Variants in MIAT observed in about 807,000 individuals in gnomAD.
The protein encoded by MIAT is MI related novel mRNA.
exon 6 of MIAT, chr22:26,668,687 CGCTG>C (rs988307632): frequency 2.5e-6 from 1 of 398,922 alleles, no homozygotes; most frequent in African/African-American, 2.1e-5. Context: ...CCTCGGGTGC[CGCTG>C]GCTGGAGTCC....
intron 2 of MIAT, chr22:26,657,363 G>A (rs977875768): frequency 1.3e-5 from 5 of 397,244 alleles, no homozygotes; most frequent in Non-Finnish European, 2.2e-5. Flanking sequence ...GGGTAAGGAG[G>A]GGTTGGGTGT....
In MIAT at chr22:26,646,800, G is replaced by A. The variant is rs368546427; in HGVS notation, n.349G>A. The stretch of plus-strand genomic sequence containing the variant: ...TTTCCCCAAGAGCTTTGTGTTGTTT[G>A]TACTATGAGGAATAATGAGGGTGGT... On this transcript the variant is annotated non_coding_transcript_exon_variant, in exon 1 of 6. Transcript: ENST00000643270. The A allele has an allele frequency of 1.6e-3, 635 of 398,670 alleles. 2 individuals carry two copies. In the South Asian group the frequency reaches 0.022, roughly 14 times the overall value. 24.7% of individuals were successfully genotyped at this position (398,670 alleles called of 1,614,324 possible).
At chr22:26,655,360 A>G (rs1345122681) in intron 2 of MIAT, among the ~76,000 whole-genome samples, 1 of 152,242 alleles carries the variant, frequency 6.6e-6, no homozygotes, top group Non-Finnish European at 1.5e-5. Flanking sequence ...GGACAGGCTT[A>G]AATCTACCTG....
chr22:26,657,839 T>C (rs1461216651), intron 2 of MIAT, among the ~76,000 whole-genome samples: 1 of 152,180 alleles, frequency 6.6e-6, no homozygotes, highest in Non-Finnish European at 1.5e-5. Flanking sequence ...CAGCCTGTAA[T>C]TCTCAAACAC....
intron 2 of MIAT, among the ~76,000 whole-genome samples, chr22:26,660,477 AAAAAGAAG>A (rs1886394391): frequency 2.0e-5 from 3 of 151,682 alleles, no homozygotes; most frequent in African/African-American, 4.8e-5. Context: ...AAAAAAAAAA[AAAAAGAAG>A]AAGAAGAAGA....
chr22:26,675,434 G>T, exon 5 of MIAT: 1 of 398,650 alleles, frequency 2.5e-6, no homozygotes, highest in Non-Finnish European at 4.4e-6. Flanking sequence ...TTGAGTTTTA[G>T]GCTGGCCATT....
At chr22:26,657,388 G>T (rs1348712586) in intron 2 of MIAT, 3 of 390,144 alleles carry the variant, frequency 7.7e-6, no homozygotes, top group Non-Finnish European at 1.3e-5. Context: ...TTGTAGGGGC[G>T]CAAGGAGGCG....
chr22:26,653,800 T>G (rs938076211), intron 2 of MIAT, among the ~76,000 whole-genome samples: 6 of 152,260 alleles, frequency 3.9e-5, no homozygotes, highest in African/African-American at 1.4e-4. Flanking sequence ...AGTGTAGTGG[T>G]GCGATCTCAG....
downstream of MIAT, chr22:26,671,788 G>A (rs1348547196): frequency 1.3e-5 from 5 of 398,062 alleles, no homozygotes; most frequent in Non-Finnish European, 2.2e-5. Flanking sequence ...GTTGCAGTGA[G>A]GATTCCCGTC....
intron 2 of MIAT, among the ~76,000 whole-genome samples, chr22:26,650,983 A>G (rs144531921): frequency 1.5e-3 from 227 of 152,122 alleles, no homozygotes; most frequent in Middle Eastern, 6.8e-3. Flanking sequence ...GTGCTAAGAC[A>G]GAGTGTGGGT....
At chr22:26,652,764 A>T (rs1176983142) in intron 2 of MIAT, among the ~76,000 whole-genome samples, 1 of 152,154 alleles carries the variant, frequency 6.6e-6, no homozygotes, top group Non-Finnish European at 1.5e-5. Context: ...TCTAGGACTA[A>T]AGAGAAGAGA....
chr22:26,656,769 C>G (rs1318556572), intron 2 of MIAT, among the ~76,000 whole-genome samples: 2 of 152,120 alleles, frequency 1.3e-5, no homozygotes, highest in African/African-American at 2.4e-5. Flanking sequence ...GGCGCGGTGG[C>G]TCGCGCCTGT....
rs1158190995 is a variant in MIAT, at chr22:26,647,310, AAGT to A, written n.646+2_646+4del. The A allele has an allele frequency of 7.6e-5, 26 of 343,276 alleles. No individual in the cohort carries two copies. In the East Asian group the frequency reaches 1.1e-3, roughly 14 times the overall value. The allele number at this position is 343,276 out of a possible 1,614,324, so 21.3% of individuals were successfully genotyped here. On this transcript the variant is annotated splice_donor_variant and non_coding_transcript_exon_variant, in exon 2 of 6. Coordinates refer to ENST00000643270, the Ensembl canonical transcript of MIAT. The stretch of plus-strand genomic sequence containing the variant: ...CTGGAGATGCTGGGATGCGACAAAA[AAGT>A]AGGCTTCTCCCATGATGAACCTCAC...
intron 2 of MIAT, chr22:26,656,199 C>T (rs774622233): frequency 3.3e-5 from 5 of 152,068 alleles, no homozygotes; most frequent in African/African-American, 9.7e-5. Flanking sequence ...TTAGTAGAGA[C>T]GGGGTTTCTC....
intron 2 of MIAT, among the ~76,000 whole-genome samples, chr22:26,649,466 C>T (rs1411609381): frequency 3.3e-5 from 5 of 152,196 alleles, no homozygotes; most frequent in African/African-American, 9.7e-5. Flanking sequence ...TTCTCAAACC[C>T]TGTTTCCTTG....
rs374570127 is a variant in MIAT at position 26,652,188 on chromosome 22, G to C, written n.646+4877G>C. On this transcript the variant is annotated intron_variant and non_coding_transcript_variant, in intron 2 of 5. Coordinates refer to ENST00000643270, the Ensembl canonical transcript of MIAT. ...TTTAAAAGGTCTCTGTAGAGATGCG[G>C]TGGAGCCGGGGGTCGATCTCATTAT... is the stretch of plus-strand genomic sequence containing the variant. Among the ~76,000 whole-genome samples the C allele has an allele frequency of 3.1e-4, 47 of 152,218 alleles. No homozygotes were observed. In the South Asian group the frequency reaches 9.6e-3, roughly 31 times the overall value.
chr22:26,671,753 G>A (rs1474334534), downstream of MIAT: 2 of 398,348 alleles, frequency 5.0e-6, no homozygotes, highest in Non-Finnish European at 8.8e-6. Flanking sequence ...CTCAGTGGTA[G>A]AATGCGAGTT....
intron 1 of MIAT, chr22:26,647,093 A>T: frequency 2.5e-6 from 1 of 398,164 alleles, no homozygotes; most frequent in Non-Finnish European, 4.4e-6. Flanking sequence ...CCCTGGGATG[A>T]CACCGTCAGC....
chr22:26,648,970 C>G (rs1930289914), intron 2 of MIAT, among the ~76,000 whole-genome samples: 2 of 150,960 alleles, frequency 1.3e-5, no homozygotes, highest in Admixed American at 1.3e-4. Flanking sequence ...AGGCTGAAGT[C>G]AAATCACTTG....
Sources: gnomAD v4.1 joint callset for allele counts (sites outside exome capture counted in the v4.1 genomes callset) on GRCh38, gnomAD v4.1.1 for gene constraint, MANE v1.5 for transcripts, NCBI Gene and HGNC (gene_info 2026-07-23, HGNC 2026-07-21) for gene names.